Variants in KSR2 observed in about 807,000 individuals in gnomAD.
KSR2 encodes the protein kinase suppressor of ras 2.
In KSR2, 25 loss-of-function variants were observed where a neutral mutation model predicts 107.8. That is an observed-to-expected ratio of 0.23 (90% CI 0.17 to 0.32). The LOEUF is 0.32. KSR2 is among the 10% of genes least tolerant of loss of function. The pLI is 1.00. For missense variants in KSR2, 887 were observed against 1,268.9 expected (o/e 0.70, Z 4.57); for synonymous variants, 480 against 507.0 (o/e 0.95, Z 0.71).
intron 3 of KSR2, among the ~76,000 whole-genome samples, chr12:117,805,841 G>T (rs1890990253): frequency 6.6e-6 from 1 of 152,178 alleles, no homozygotes. Context: ...AATTAGCCAG[G>T]TGTGGGGGTG....
At chr12:117,616,160 C>CAA (rs386766773) in intron 5 of KSR2, among the ~76,000 whole-genome samples, 8,657 of 51,000 alleles carry the variant, frequency 0.17, 308 homozygotes, top group Admixed American at 0.3. Flanking sequence ...GACCCTGTCT[C>CAA]GAAAAAAAAA....
At chr12:117,537,726 C>T (rs940790423) in intron 10 of KSR2, among the ~76,000 whole-genome samples, 22 of 152,178 alleles carry the variant, frequency 1.4e-4, no homozygotes, top group Non-Finnish European at 2.9e-4. Context: ...CAAAGAGGGC[C>T]AGGACCTTGT....
chr12:117,524,642 G>A (rs1874985672), intron 14 of KSR2, among the ~76,000 whole-genome samples: 1 of 152,104 alleles, frequency 6.6e-6, no homozygotes, highest in Admixed American at 6.5e-5. Context: ...ATTCAAGCCT[G>A]GGCAACAGAG....
chr12:117,550,313 C>T (rs891817791), intron 9 of KSR2, among the ~76,000 whole-genome samples: 9 of 152,178 alleles, frequency 5.9e-5, no homozygotes, highest in Non-Finnish European at 1.0e-4. Flanking sequence ...AATAGAAGCA[C>T]GTTCATCACC....
At chr12:117,741,961 T>A (rs990786231) in intron 4 of KSR2, among the ~76,000 whole-genome samples, 5 of 152,140 alleles carry the variant, frequency 3.3e-5, no homozygotes, top group Non-Finnish European at 5.9e-5. Flanking sequence ...GGTGAGAGAG[T>A]AACTGGACAG....
chr12:117,606,283 T>TCC (rs1881223900), intron 5 of KSR2, among the ~76,000 whole-genome samples: 1 of 84,538 alleles, frequency 1.2e-5, no homozygotes. Context: ...CCCTCTCCCC[T>TCC]CCTCCTTCCC....
At chr12:117,878,408 ACCCACCCTCAG>A (rs1264869094) in intron 1 of KSR2, among the ~76,000 whole-genome samples, 2 of 152,158 alleles carry the variant, frequency 1.3e-5, no homozygotes, top group Admixed American at 6.5e-5. Context: ...CAGAGTGGGG[ACCCACCCTCAG>A]CACCCACATT....
intron 1 of KSR2, among the ~76,000 whole-genome samples, chr12:117,938,871 C>T (rs1373375228): frequency 2.0e-5 from 3 of 152,074 alleles, no homozygotes; most frequent in African/African-American, 7.2e-5. Flanking sequence ...AGAACATTAT[C>T]GTGATCATCA....
chr12:117,636,280 C>A (rs1262787892), intron 5 of KSR2, among the ~76,000 whole-genome samples: 4 of 151,766 alleles, frequency 2.6e-5, no homozygotes, highest in Admixed American at 2.0e-4. Flanking sequence ...TATCTGCACT[C>A]CCGTGTTTGT....
In KSR2 at chr12:117,524,808, C is replaced by T. The variant is rs780512723; in HGVS notation, c.2219+44G>A. 206 of 1,551,284 alleles carry T rather than the reference C, an allele frequency of 1.3e-4. 2 individuals are homozygous for T. Among genetic ancestry groups the T allele is most frequent in the Non-Finnish European group, 6.4e-5 (74 of 1,152,296 alleles). The stretch of plus-strand genomic sequence containing the variant: ...AACCATTTCTCAACCATGCCAGAAG[C>T]AGAGTTTTGCCAATCCCTGGGTAGA... On this transcript the variant is annotated intron_variant, in intron 14 of 19. Transcript: ENST00000339824.
intron 4 of KSR2, among the ~76,000 whole-genome samples, chr12:117,729,227 T>C (rs1296188978): frequency 6.6e-6 from 1 of 151,980 alleles, no homozygotes; most frequent in African/African-American, 2.4e-5. Context: ...CTGCTGGTGC[T>C]TCTGCGTGGA....
intron 3 of KSR2, among the ~76,000 whole-genome samples, chr12:117,763,462 T>C (rs1352038161): frequency 6.6e-6 from 1 of 152,214 alleles, no homozygotes; most frequent in Non-Finnish European, 1.5e-5. Flanking sequence ...GCATCCTCCA[T>C]GCTAAGAGCT....
intron 1 of KSR2, among the ~76,000 whole-genome samples, chr12:117,967,537 A>T (rs1896835465): frequency 6.6e-6 from 1 of 152,080 alleles, no homozygotes; most frequent in Non-Finnish European, 1.5e-5. Context: ...GATTTAAAAC[A>T]AAAAATCTAA....
intron 3 of KSR2, among the ~76,000 whole-genome samples, chr12:117,787,050 A>G (rs1409967448): frequency 6.6e-6 from 1 of 151,656 alleles, no homozygotes; most frequent in East Asian, 1.9e-4. Flanking sequence ...AAAATTATGT[A>G]TATCAGCTCT....
intron 1 of KSR2, among the ~76,000 whole-genome samples, chr12:117,896,835 G>A (rs1464657306): frequency 6.6e-6 from 1 of 152,168 alleles, no homozygotes; most frequent in African/African-American, 2.4e-5. Context: ...TGAGTTATAT[G>A]TCATTTTTTA....
chr12:117,927,012 G>C (rs544918519), intron 1 of KSR2, among the ~76,000 whole-genome samples: 20 of 152,256 alleles, frequency 1.3e-4, no homozygotes, highest in African/African-American at 3.9e-4. Context: ...GCACACCGTT[G>C]GCACCCAATC....
In KSR2 at chr12:117,968,673, T is replaced by G; in HGVS notation, c.-418A>C. On this transcript the variant is annotated 5_prime_UTR_variant, in exon 1 of 20. Coordinates refer to ENST00000339824, the MANE Select transcript of KSR2 (RefSeq NM_173598.6). ...GAGAGGAGGAGGAGGAGAAGGAAAA[T>G]AGCGCTCACTCTTTACACACCGGCT... 5.5e-6 allele frequency: 1 copy of G among 181,874 alleles called. No homozygotes were observed. Among genetic ancestry groups the G allele is most frequent in the Non-Finnish European group, 1.1e-5 (1 of 89,052 alleles). The allele number at this position is 181,874 out of a possible 1,614,324, so 11.3% of individuals were successfully genotyped here. A position where few individuals can be genotyped will look rare whatever the true frequency, so the allele number is the denominator to read the frequency against.
intron 1 of KSR2, among the ~76,000 whole-genome samples, chr12:117,929,696 G>C (rs1434886685): frequency 6.6e-6 from 1 of 152,198 alleles, no homozygotes; most frequent in Non-Finnish European, 1.5e-5. Flanking sequence ...ATGAAGTAGT[G>C]ATATGTGCTG....
intron 4 of KSR2, among the ~76,000 whole-genome samples, chr12:117,705,453 C>T (rs113493977): frequency 6.6e-6 from 1 of 152,220 alleles, no homozygotes. Context: ...TTCCTCACCC[C>T]ACTAGGCACA....
Sources: gnomAD v4.1 joint callset for allele counts (sites outside exome capture counted in the v4.1 genomes callset) on GRCh38, gnomAD v4.1.1 for gene constraint, MANE v1.5 for transcripts, NCBI Gene and HGNC (gene_info 2026-07-23, HGNC 2026-07-21) for gene names.